Variants in EYS observed in about 807,000 individuals in gnomAD.
The protein encoded by EYS is EGF-like photoreceptor maintenance factor, also known as protein eyes shut homolog.
Under a neutral mutation model 282.1 loss-of-function variants are expected in EYS, and 250 were observed. That is an observed-to-expected ratio of 0.89 (90% confidence interval 0.80 to 0.98). The LOEUF (loss-of-function observed/expected upper bound fraction) is 0.98. Ranked by LOEUF, EYS falls within the 50% of genes least tolerant of loss-of-function variation. EYS has a pLI of 0.00. For missense variants in EYS, 4,016 were observed against 3,709.0 expected, an observed-to-expected ratio of 1.08 and a Z score of -2.15; for synonymous variants, 1,355 against 1,282.9, an observed-to-expected ratio of 1.06 and a Z score of -1.20.
intron 36 of EYS, among the ~76,000 whole-genome samples, chr6:63,846,826 G>T (rs1288721018): frequency 6.6e-6 from 1 of 152,060 alleles, no homozygotes; most frequent in East Asian, 1.9e-4. Context: ...ACCTACATTT[G>T]TCTGTCTTTG....
At chr6:64,409,628 T>A (rs1773822905) in intron 28 of EYS, among the ~76,000 whole-genome samples, 1 of 152,160 alleles carries the variant, frequency 6.6e-6, no homozygotes, top group African/African-American at 2.4e-5. Context: ...TTTTATATGT[T>A]GATTATTAGA....
chr6:63,851,998 AT>A (rs1336500254), intron 36 of EYS, among the ~76,000 whole-genome samples: 1 of 151,922 alleles, frequency 6.6e-6, no homozygotes, highest in Non-Finnish European at 1.5e-5. Context: ...TCTACTAAAA[AT>A]ACAAAAAATT....
At chr6:65,243,454 T>C (rs1056932668) in intron 12 of EYS, among the ~76,000 whole-genome samples, 2 of 152,156 alleles carry the variant, frequency 1.3e-5, no homozygotes, top group African/African-American at 4.8e-5. Context: ...GCTTCTGAGC[T>C]TTTGTGACGC....
At chr6:64,795,203 C>A (rs1489605716) in intron 22 of EYS, among the ~76,000 whole-genome samples, 4 of 150,188 alleles carry the variant, frequency 2.7e-5, no homozygotes, top group Non-Finnish European at 5.9e-5. Context: ...TCATTGCACT[C>A]CAGCATGGGT....
At chr6:64,006,299 AT>A (rs1191408601) in intron 33 of EYS, among the ~76,000 whole-genome samples, 1 of 151,844 alleles carries the variant, frequency 6.6e-6, no homozygotes, top group Non-Finnish European at 1.5e-5. Flanking sequence ...AATGCTACTG[AT>A]TTTTTTATGT....
At chr6:65,140,281 G>A (rs1002225976) in intron 12 of EYS, among the ~76,000 whole-genome samples, 2 of 151,626 alleles carry the variant, frequency 1.3e-5, no homozygotes, top group Non-Finnish European at 2.9e-5. Flanking sequence ...AAAGGCAGAG[G>A]AAAGAATTGG....
intron 2 of EYS, among the ~76,000 whole-genome samples, chr6:65,605,792 T>C (rs1765766528): frequency 6.6e-6 from 1 of 151,812 alleles, no homozygotes; most frequent in South Asian, 2.1e-4. Flanking sequence ...TGAAAAATTA[T>C]GTTGAATAAA....
intron 33 of EYS, among the ~76,000 whole-genome samples, chr6:64,030,451 A>T (rs1769767840): frequency 6.6e-6 from 1 of 152,218 alleles, no homozygotes; most frequent in Non-Finnish European, 1.5e-5. Context: ...ACTCTTTGGC[A>T]GCAGTAACTC....
At chr6:64,213,686 A>G (rs2150329050) in intron 31 of EYS, among the ~76,000 whole-genome samples, 1 of 152,304 alleles carries the variant, frequency 6.6e-6, no homozygotes, top group East Asian at 1.9e-4. Flanking sequence ...TGACATGTTA[A>G]TGCCTTAAAA....
intron 12 of EYS, among the ~76,000 whole-genome samples, chr6:65,146,999 C>T (rs1225810824): frequency 6.6e-6 from 1 of 151,950 alleles, no homozygotes; most frequent in Non-Finnish European, 1.5e-5. Context: ...GTGCATTCTA[C>T]TTTTTGTTGC....
At chr6:65,280,780 G>A (rs1281349863) in intron 12 of EYS, among the ~76,000 whole-genome samples, 6 of 151,236 alleles carry the variant, frequency 4.0e-5, no homozygotes, top group Non-Finnish European at 8.8e-5. Flanking sequence ...CACTTTGGGA[G>A]GCCAAGGTGG....
intron 12 of EYS, among the ~76,000 whole-genome samples, chr6:65,146,641 G>T (rs565703911): frequency 1.3e-5 from 2 of 151,804 alleles, no homozygotes. Context: ...GCATGTATTT[G>T]GTTATTTTGT....
At chr6:64,727,253 C>T (rs58427432) in intron 22 of EYS, among the ~76,000 whole-genome samples, 347 of 152,152 alleles carry the variant, frequency 2.3e-3, no homozygotes, top group African/African-American at 5.5e-3. Context: ...GGAGGTGGGA[C>T]GATGCTCATA....
chr6:65,005,681 C>T (rs937914589), intron 13 of EYS, among the ~76,000 whole-genome samples: 1 of 147,572 alleles, frequency 6.8e-6, no homozygotes, highest in Non-Finnish European at 1.5e-5. Flanking sequence ...TTTCTAACAA[C>T]CCCCGACCCT....
At chr6:65,245,404 C>T (rs999013950) in intron 12 of EYS, among the ~76,000 whole-genome samples, 4 of 152,042 alleles carry the variant, frequency 2.6e-5, no homozygotes, top group Admixed American at 2.6e-4. Flanking sequence ...TAATTGCAAT[C>T]CAGGATTCAG....
At chr6:65,363,312 C>G (rs1764785276) in intron 8 of EYS, among the ~76,000 whole-genome samples, 1 of 151,814 alleles carries the variant, frequency 6.6e-6, no homozygotes, top group Non-Finnish European at 1.5e-5. Context: ...TTTTCCTTTC[C>G]CAGCTAATTG....
rs114130024 is a variant in EYS, at chr6:64,106,437, G to T, written c.6425-24435C>A. Among the ~76,000 whole-genome samples the T allele has an allele frequency of 9.7e-3, 1,472 of 152,156 alleles. 28 individuals are homozygous for T. The highest frequency in any genetic ancestry group is 0.034 in the African/African-American group (1,418 of 41,516). On this transcript the variant is annotated intron_variant, in intron 31 of 42. Transcript: ENST00000503581. The stretch of plus-strand genomic sequence containing the variant: ...TTCTGCAGATACAAAATTATAGGTA[G>T]TGTTTTTTTTCTGAACACTTTAAAT...
intron 31 of EYS, among the ~76,000 whole-genome samples, chr6:64,128,766 G>A (rs1773868876): frequency 6.6e-6 from 1 of 152,130 alleles, no homozygotes; most frequent in Non-Finnish European, 1.5e-5. Context: ...TTTATTGCAT[G>A]CCTTCTAAGC....
intron 33 of EYS, among the ~76,000 whole-genome samples, chr6:64,039,321 A>C (rs1193029591): frequency 6.6e-6 from 1 of 152,232 alleles, no homozygotes; most frequent in Non-Finnish European, 1.5e-5. Flanking sequence ...TCTTTTGGAC[A>C]GGAATCTAAC....
Sources: allele counts gnomAD v4.1 joint callset (sites outside exome capture counted in the v4.1 genomes callset), GRCh38; gene constraint gnomAD v4.1.1; transcripts MANE v1.5; gene names NCBI Gene and HGNC (gene_info 2026-07-23, HGNC 2026-07-21).